Variants in GALNT13 observed in about 807,000 individuals in gnomAD.
GALNT13 encodes polypeptide N-acetylgalactosaminyltransferase 13, also known as UDP-GalNAc:polypeptide N-acetylgalactosaminyltransferase 13.
In GALNT13, 28 loss-of-function variants were observed where a neutral mutation model predicts 64.2. The observed-to-expected ratio is 0.44, with a 90% confidence interval of 0.32 to 0.60. GALNT13 has a LOEUF of 0.60. Ranked by LOEUF, GALNT13 falls within the 20% of genes least tolerant of loss-of-function variation. The probability of loss-of-function intolerance (pLI) is 0.05; values close to 1 mark genes in which losing one functional copy is unlikely to be tolerated. For missense variants in GALNT13, 577 were observed against 669.8 expected (o/e 0.86, Z 1.53); for synonymous variants, 214 against 224.6 (o/e 0.95, Z 0.42).
At chr2:153,790,339 C>G in the GALNT13 span, among the ~76,000 whole-genome samples, 1 of 152,010 alleles carries the variant, frequency 6.6e-6, no homozygotes, top group African/African-American at 2.4e-5. Flanking sequence ...ATTACATGAT[C>G]ATCTCAATAG....
intron 9 of GALNT13, among the ~76,000 whole-genome samples, chr2:154,393,805 G>A (rs1243156577): frequency 2.6e-5 from 4 of 152,180 alleles, no homozygotes; most frequent in African/African-American, 9.6e-5. Context: ...AAGGCCGGGC[G>A]CGGTGGCTCA....
intron 3 of GALNT13, among the ~76,000 whole-genome samples, chr2:153,973,112 C>CT (rs1361546510): frequency 4.6e-5 from 7 of 151,710 alleles, no homozygotes; most frequent in African/African-American, 7.2e-5. Context: ...TTCATAGCCC[C>CT]TTTTTTTTCC....
chr2:154,394,314 A>G (rs1197794843), intron 9 of GALNT13, among the ~76,000 whole-genome samples: 2 of 152,132 alleles, frequency 1.3e-5, no homozygotes, highest in African/African-American at 4.8e-5. Context: ...AAATTATGTG[A>G]AATTCATATT....
chr2:154,163,121 A>G (rs1162590800), intron 4 of GALNT13, among the ~76,000 whole-genome samples: 1 of 128,690 alleles, frequency 7.8e-6, no homozygotes, highest in Non-Finnish European at 1.7e-5. Flanking sequence ...TCCTAATGCT[A>G]TCCCTCCCCC....
At chr2:153,178,626 G>A in the GALNT13 span, among the ~76,000 whole-genome samples, 17 of 151,548 alleles carry the variant, frequency 1.1e-4, no homozygotes, top group African/African-American at 4.9e-5. Context: ...TTGGATGTAT[G>A]GCTTGAAAAC....
At chr2:154,246,596 A>G (rs1329356760) in intron 7 of GALNT13, among the ~76,000 whole-genome samples, 5 of 152,092 alleles carry the variant, frequency 3.3e-5, no homozygotes, top group African/African-American at 1.2e-4. Flanking sequence ...TTATTAACAC[A>G]AAAGTATCAT....
At chr2:153,828,957 C>T in the GALNT13 span, among the ~76,000 whole-genome samples, 1 of 152,184 alleles carries the variant, frequency 6.6e-6, no homozygotes, top group Non-Finnish European at 1.5e-5. Context: ...CAGGCAGTGC[C>T]AAAATGCCAC....
chr2:153,250,042 C>G, the GALNT13 span, among the ~76,000 whole-genome samples: 2 of 152,168 alleles, frequency 1.3e-5, no homozygotes, highest in Non-Finnish European at 2.9e-5. Flanking sequence ...CAAATGGGAT[C>G]TAATTAAGCT....
chr2:153,485,026 T>C, the GALNT13 span, among the ~76,000 whole-genome samples: 1 of 152,202 alleles, frequency 6.6e-6, no homozygotes, highest in Non-Finnish European at 1.5e-5. Context: ...TTTAAAATTA[T>C]GGTTGCAAGT....
chr2:153,069,518 C>T, the GALNT13 span, among the ~76,000 whole-genome samples: 6 of 152,076 alleles, frequency 3.9e-5, no homozygotes, highest in African/African-American at 1.4e-4. Context: ...ATCTCAATCG[C>T]CTTTGATCCT....
At chr2:153,968,026 A>G (rs1383842939) in intron 3 of GALNT13, among the ~76,000 whole-genome samples, 2 of 151,806 alleles carry the variant, frequency 1.3e-5, no homozygotes, top group Non-Finnish European at 2.9e-5. Flanking sequence ...AGTCTCTCCC[A>G]GTGCTGCACA....
At chr2:153,963,731 C>CTCTCTGTGTGTG (rs1223478876) in intron 3 of GALNT13, among the ~76,000 whole-genome samples, 1 of 100,806 alleles carries the variant, frequency 9.9e-6, no homozygotes, top group South Asian at 3.8e-4. Context: ...CTCTCTCTCT[C>CTCTCTGTGTGTG]TGTGTGTGTG....
chr2:154,035,509 CA>C (rs1411683999), intron 3 of GALNT13, among the ~76,000 whole-genome samples: 1 of 151,720 alleles, frequency 6.6e-6, no homozygotes, highest in Non-Finnish European at 1.5e-5. Context: ...ATGCTATGTA[CA>C]ATAAATAATG....
chr2:153,232,476 C>T, the GALNT13 span, among the ~76,000 whole-genome samples: 1 of 152,306 alleles, frequency 6.6e-6, no homozygotes, highest in East Asian at 1.9e-4. Context: ...TTAGAACACA[C>T]TCACCACAGT....
At chr2:154,043,447 T>TAC (rs1699108178) in intron 3 of GALNT13, among the ~76,000 whole-genome samples, 1 of 118,394 alleles carries the variant, frequency 8.4e-6, no homozygotes, top group African/African-American at 3.8e-5. Flanking sequence ...TATATATATA[T>TAC]ATATATATAC....
chr2:153,742,548 A>C, the GALNT13 span, among the ~76,000 whole-genome samples: 1 of 152,030 alleles, frequency 6.6e-6, no homozygotes, highest in Admixed American at 6.6e-5. Flanking sequence ...CATTGTACCC[A>C]ATAGTGATTT....
rs778393877 is a variant in GALNT13, at chr2:154,040,348, G to A, written c.142+95709G>A. ...TAAGTCATCTTTCTGATGTATCTTA[G>A]GCATTGAAGTTTTGGTGCACTGAGT... On this transcript the variant is annotated intron_variant, in intron 3 of 12. Transcript: ENST00000392825. Among the ~76,000 whole-genome samples the A allele has an allele frequency of 1.6e-4, 23 of 140,998 alleles. 6 individuals carry two copies. Among genetic ancestry groups the A allele is most frequent in the Non-Finnish European group, 3.3e-4 (20 of 61,316 alleles). The allele number at this position is 140,998 out of a possible 152,430, so 92.5% of individuals were successfully genotyped here.
At chr2:153,943,647 A>G (rs1691504060) in intron 2 of GALNT13, among the ~76,000 whole-genome samples, 3 of 152,080 alleles carry the variant, frequency 2.0e-5, no homozygotes, top group Admixed American at 6.6e-5. Context: ...GGCACGTGCC[A>G]CCATGCCTGG....
intron 4 of GALNT13, among the ~76,000 whole-genome samples, chr2:154,159,117 T>TTTTA (rs1308576736): frequency 4.6e-5 from 7 of 151,734 alleles, no homozygotes; most frequent in Non-Finnish European, 8.8e-5. Flanking sequence ...TTATTATTTA[T>TTTTA]TTTATTTATT....
Sources: gnomAD v4.1 joint callset for allele counts (sites outside exome capture counted in the v4.1 genomes callset) on GRCh38, gnomAD v4.1.1 for gene constraint, MANE v1.5 for transcripts, NCBI Gene and HGNC (gene_info 2026-07-23, HGNC 2026-07-21) for gene names.